The following TMEM132D variants were observed in gnomAD, a reference collection of about 807,000 sequenced individuals.
TMEM132D encodes the protein transmembrane protein 132D, also known as mature OL transmembrane protein.
A neutral mutation model predicts 62.3 loss-of-function variants in TMEM132D; 21 were observed. The observed-to-expected ratio is 0.34, with a 90% CI of 0.24 to 0.49. The LOEUF (loss-of-function observed/expected upper bound fraction) is 0.49. Among genes scored for constraint, TMEM132D ranks in the 20% least tolerant of loss-of-function variants. The pLI, the probability that TMEM132D is intolerant of heterozygous loss-of-function variation, is 0.99. For synonymous variants in TMEM132D, 621 were observed against 575.6 expected (o/e 1.08, Z -1.13); for missense variants, 1,346 against 1,402.8 (o/e 0.96, Z 0.65).
At chr12:129,848,842 C>A (rs1873444713) in intron 1 of TMEM132D, among the ~76,000 whole-genome samples, 1 of 152,178 alleles carries the variant, frequency 6.6e-6, no homozygotes, top group Non-Finnish European at 1.5e-5. Flanking sequence ...AGTGGGAGGA[C>A]AACCACGTGA....
intron 5 of TMEM132D, among the ~76,000 whole-genome samples, chr12:129,169,775 CTG>C (rs1348922336): frequency 6.6e-6 from 1 of 152,300 alleles, no homozygotes; most frequent in African/African-American, 2.4e-5. Flanking sequence ...CTTTGAGCAT[CTG>C]TGTATAACAT....
intron 2 of TMEM132D, among the ~76,000 whole-genome samples, chr12:129,583,985 T>C (rs1877948847): frequency 6.6e-6 from 1 of 152,240 alleles, no homozygotes; most frequent in Non-Finnish European, 1.5e-5. Context: ...TGTGAGCCTT[T>C]TGTTCAATAG....
intron 5 of TMEM132D, among the ~76,000 whole-genome samples, chr12:129,191,749 C>T (rs1311905993): frequency 1.3e-5 from 2 of 149,900 alleles, no homozygotes; most frequent in African/African-American, 4.9e-5. Flanking sequence ...TATAATGAAC[C>T]ATACACACAC....
At chr12:129,407,616 G>A (rs1353331018) in intron 3 of TMEM132D, among the ~76,000 whole-genome samples, 1 of 152,058 alleles carries the variant, frequency 6.6e-6, no homozygotes, top group Non-Finnish European at 1.5e-5. Context: ...TTAAAAATCA[G>A]CTAATTTTGG....
Position 129,749,520 on chromosome 12 carries a change from G to C in TMEM132D, c.80-48822C>G, listed in dbSNP as rs143745731. On this transcript the variant is annotated intron_variant, in intron 1 of 8. Transcript: ENST00000422113. ...CACCCAGGCTCAAGTGCAGTGGCAC[G>C]ATCTCAGCTCACTGCAACCTCCACC... 7.5e-3 allele frequency among the ~76,000 whole-genome samples: 1,119 copies of C among 148,768 alleles called. 16 individuals carry two copies. The highest frequency in any genetic ancestry group is 0.026 in the African/African-American group (1,046 of 40,458).
rs147122977 is a variant in TMEM132D, at chr12:129,115,746, A to G, written c.1444-31044T>C. Among the ~76,000 whole-genome samples the G allele has an allele frequency of 3.5e-3, 534 of 152,316 alleles. 17 individuals are homozygous for G. Among genetic ancestry groups the G allele is most frequent in the Admixed American group, 0.031 (471 of 15,304 alleles). The stretch of plus-strand genomic sequence containing the variant: ...CAGTGGAAGCCAGGGCCTGTAAAGC[A>G]TACGTCACAAACTCCAGGCAGAGGT... On this transcript the variant is annotated intron_variant, in intron 5 of 8. Transcript: ENST00000422113.
At chr12:129,403,776 G>C (rs557522444) in intron 3 of TMEM132D, among the ~76,000 whole-genome samples, 1 of 152,156 alleles carries the variant, frequency 6.6e-6, no homozygotes, top group African/African-American at 2.4e-5. Context: ...GAAGAAGAAA[G>C]GGAATAATGA....
intron 3 of TMEM132D, among the ~76,000 whole-genome samples, chr12:129,358,418 A>ACT (rs1172069531): frequency 6.6e-6 from 1 of 151,714 alleles, no homozygotes; most frequent in Non-Finnish European, 1.5e-5. Flanking sequence ...CTGATTCTGC[A>ACT]CTCTCTCTAC....
intron 4 of TMEM132D, among the ~76,000 whole-genome samples, chr12:129,305,150 C>T (rs929142599): frequency 1.4e-4 from 21 of 152,126 alleles, no homozygotes; most frequent in African/African-American, 5.1e-4. Context: ...TCACTATATC[C>T]CCAATAACAA....
At chr12:129,550,056 A>G (rs1876851608) in intron 2 of TMEM132D, among the ~76,000 whole-genome samples, 1 of 152,172 alleles carries the variant, frequency 6.6e-6, no homozygotes, top group African/African-American at 2.4e-5. Flanking sequence ...AGCTGGAATA[A>G]GAATATGTGG....
chr12:129,228,909 C>T (rs943233108), intron 4 of TMEM132D, among the ~76,000 whole-genome samples: 1 of 152,204 alleles, frequency 6.6e-6, no homozygotes, highest in African/African-American at 2.4e-5. Flanking sequence ...TGCATAAGAT[C>T]CGGACTTCTG....
chr12:129,418,769 A>G (rs1872209015), intron 3 of TMEM132D, among the ~76,000 whole-genome samples: 2 of 152,186 alleles, frequency 1.3e-5, no homozygotes, highest in Non-Finnish European at 1.5e-5. Context: ...GGGCCTCTAC[A>G]GTTGTAATTA....
At chr12:129,778,419 C>T (rs1247218893) in intron 1 of TMEM132D, among the ~76,000 whole-genome samples, 2 of 152,018 alleles carry the variant, frequency 1.3e-5, no homozygotes, top group African/African-American at 4.8e-5. Flanking sequence ...ACGCAGCTGC[C>T]GATGGACAAG....
chr12:129,156,694 G>A (rs937955676), intron 5 of TMEM132D, among the ~76,000 whole-genome samples: 2 of 150,158 alleles, frequency 1.3e-5, no homozygotes, highest in East Asian at 2.0e-4. Flanking sequence ...TAACACTCCC[G>A]AGACAACTAT....
intron 4 of TMEM132D, among the ~76,000 whole-genome samples, chr12:129,326,553 C>T (rs914267247): frequency 6.6e-6 from 1 of 152,204 alleles, no homozygotes; most frequent in Non-Finnish European, 1.5e-5. Context: ...GGAACTGTTA[C>T]ACCCATTTGC....
intron 4 of TMEM132D, among the ~76,000 whole-genome samples, chr12:129,258,575 A>G (rs1880470074): frequency 6.6e-6 from 1 of 152,232 alleles, no homozygotes; most frequent in East Asian, 1.9e-4. Context: ...GGGAAGGGTA[A>G]CGACCCAGGC....
intron 5 of TMEM132D, among the ~76,000 whole-genome samples, chr12:129,137,673 T>C (rs1265070349): frequency 6.6e-6 from 1 of 152,188 alleles, no homozygotes; most frequent in Non-Finnish European, 1.5e-5. Context: ...CTTTTCTGAT[T>C]TATTCTTTGC....
rs375868329 is a variant in TMEM132D, at chr12:129,636,737, T to TGTGTGTGTGAGAGAGAGA, written c.968+63072_968+63073insTCTCTCTCTCACACACAC. On this transcript the variant is annotated intron_variant, in intron 2 of 8. Transcript: ENST00000422113. ...GTGTGTGTGTGTGTGTGTGTGTGTG[T>TGTGTGTGTGAGAGAGAGA]GAGAGAGAGAGAGAGAGAGACAGAG... is the stretch of plus-strand genomic sequence containing the variant. Among the ~76,000 whole-genome samples, 338 of 113,610 alleles carry TGTGTGTGTGAGAGAGAGA rather than the reference T, an allele frequency of 3.0e-3. 2 individuals are homozygous for TGTGTGTGTGAGAGAGAGA. The highest frequency in any genetic ancestry group is 0.011 in the African/African-American group (318 of 30,004). The allele number at this position is 113,610 out of a possible 152,430, so 74.5% of individuals were successfully genotyped here.
intron 7 of TMEM132D, among the ~76,000 whole-genome samples, chr12:129,081,303 T>C (rs2135614896): frequency 1.3e-5 from 2 of 152,248 alleles, no homozygotes; most frequent in South Asian, 4.1e-4. Context: ...ATGGCTTGCA[T>C]TGTGGTTTTG....
Sources: gnomAD v4.1 joint callset for allele counts (sites outside exome capture counted in the v4.1 genomes callset) on GRCh38, gnomAD v4.1.1 for gene constraint, MANE v1.5 for transcripts, NCBI Gene and HGNC (gene_info 2026-07-23, HGNC 2026-07-21) for gene names.